Variants in C2CD3 observed in about 807,000 individuals in gnomAD.
The protein encoded by C2CD3 is C2 domain containing 3 centriole elongation regulator.
In C2CD3, 148 loss-of-function variants were observed where a neutral mutation model predicts 234.0. The ratio of observed to expected loss-of-function variants is 0.63; its 90% CI spans 0.55 to 0.72. The LOEUF (loss-of-function observed/expected upper bound fraction) is 0.72. C2CD3 is among the 30% of genes least tolerant of loss of function. The pLI, the probability that C2CD3 is intolerant of heterozygous loss-of-function variation, is 0.00. For synonymous variants in C2CD3, 1,000 were observed against 1,035.4 expected (o/e 0.97, Z 0.66); for missense variants, 2,577 against 2,811.5 (o/e 0.92, Z 1.89).
At chr11:74,052,609 G>T (rs1275869324) in intron 26 of C2CD3, among the ~76,000 whole-genome samples, 1 of 152,206 alleles carries the variant, frequency 6.6e-6, no homozygotes, top group Non-Finnish European at 1.5e-5. Context: ...AGAAAGGAGG[G>T]TGGAGCCCAG....
chr11:74,054,227 G>A (rs567054690), intron 26 of C2CD3, among the ~76,000 whole-genome samples: 2 of 149,262 alleles, frequency 1.3e-5, no homozygotes, highest in South Asian at 2.1e-4. Flanking sequence ...AGCCAAGATC[G>A]TGCCACTGCC....
intron 4 of C2CD3, 111 bp downstream of exon 4, chr11:74,139,494 A>T: frequency 1.2e-6 from 1 of 825,786 alleles, no homozygotes; most frequent in East Asian, 2.4e-5. Flanking sequence ...CTAAATGAGG[A>T]CTGTGCCTCT....
intron 22 of C2CD3, among the ~76,000 whole-genome samples, chr11:74,081,749 G>A (rs1955381316): frequency 6.6e-6 from 1 of 152,174 alleles, no homozygotes. Context: ...AATGTTTCAA[G>A]AAAGGGAGTT....
Position 74,133,720 on chromosome 11 carries a change from CA to C in C2CD3, c.956-164del, listed in dbSNP as rs1957757448. 9 of 661,120 alleles carry C rather than the reference CA, an allele frequency of 1.4e-5. No homozygotes were observed. The South Asian group carries it at 1.5e-4, about 11-fold the overall frequency. The allele number at this position is 661,120 out of a possible 1,614,324, so 41.0% of individuals were successfully genotyped here. A position where few individuals can be genotyped will look rare whatever the true frequency, so the allele number is the denominator to read the frequency against. ...TGAGAATTCCTTGAGGACATTTACG[CA>C]AAAGAGATGTTTACTGAGTTTCTAC... On this transcript the variant is annotated intron_variant, in intron 5 of 32. Coordinates refer to ENST00000334126, the MANE Select transcript of C2CD3 (RefSeq NM_001286577.2).
Position 74,013,474 on chromosome 11 carries a change from TG to T in C2CD3, c.6972del (p.Arg2325AspfsTer33). The T allele has an allele frequency of 1.4e-6, 2 of 1,420,986 alleles. No individual in the cohort carries two copies. Among genetic ancestry groups the T allele is most frequent in the Non-Finnish European group, 1.8e-6 (2 of 1,092,878 alleles). 88.0% of individuals were successfully genotyped at this position (1,420,986 alleles called of 1,614,324 possible). On this transcript the variant is annotated frameshift_variant, in exon 33 of 33. Transcript: ENST00000334126. LOFTEE classifies it high-confidence loss of function. ...RGALSQRPCR[P>X]RPNSLPLNLP... ...AGGTTGAGGGGGAGCGAGTTAGGTC[TG>T]GGGCGACAAGGCCTTTGGGAGAGAG...
chr11:74,150,492 C>CAAAAAAAAAAAAAAA (rs769668218), intron 3 of C2CD3, among the ~76,000 whole-genome samples: 9 of 16,210 alleles, frequency 5.6e-4, no homozygotes, highest in Non-Finnish European at 7.6e-4. Context: ...GACCCTGTCT[C>CAAAAAAAAAAAAAAA]AAAAAAAAAA....
In C2CD3 at chr11:74,057,417, T is replaced by C; in HGVS notation, c.5079A>G (p.Gln1693=). 1 of 1,614,168 alleles carries C rather than the reference T, an allele frequency of 6.2e-7. No homozygotes were observed. Among genetic ancestry groups the C allele is most frequent in the African/African-American group, 1.3e-5 (1 of 75,048 alleles). The part of the protein sequence containing the change: ...ENTDSPIWNF[Q]QQSRLSKELL... ...CGGATAACACAAACCTTGACTGCTG[T>C]TGAAAATTCCAGATGGGGGAATCTG... is the stretch of plus-strand genomic sequence containing the variant. Residue 1693 remains glutamine, a synonymous_variant, in exon 25 of 33, where the codon CAA becomes CAG. Coordinates refer to ENST00000334126, the MANE Select transcript of C2CD3 (RefSeq NM_001286577.2).
intron 2 of C2CD3, among the ~76,000 whole-genome samples, chr11:74,166,882 G>T (rs887805036): frequency 6.6e-6 from 1 of 152,132 alleles, no homozygotes; most frequent in African/African-American, 2.4e-5. Context: ...TGACAGGTAA[G>T]TGCTATTTTT....
rs1300426719 is a variant in C2CD3 at position 74,074,381 on chromosome 11, G to A, written c.4823C>T (p.Ala1608Val). 6.2e-6 allele frequency: 10 copies of A among 1,614,100 alleles called. No homozygotes were observed. Among genetic ancestry groups the A allele is most frequent in the Admixed American group, 1.7e-5 (1 of 60,012 alleles). Residue 1608 changes from alanine (A) to valine (V), a missense_variant, in exon 24 of 33, where the codon GCC becomes GTC. Coordinates refer to ENST00000334126, the MANE Select transcript of C2CD3 (RefSeq NM_001286577.2). The stretch of plus-strand genomic sequence containing the variant: ...GCTGCTGCAGGGGACCTGGGTGGAG[G>A]CAGGAGACTTCTGGTGGCAGGAGAT... Reference protein sequence around the residue: ...EVISCHQKSPASTQVPCSSTT... With the variant: ...EVISCHQKSPVSTQVPCSSTT...
intron 27 of C2CD3, 128 bp from the exon 28 acceptor site, chr11:74,048,466 G>T: frequency 1.2e-6 from 1 of 846,134 alleles, no homozygotes; most frequent in Non-Finnish European, 1.8e-6. Context: ...GTTAAACACT[G>T]TGCTAAACAA....
intron 7 of C2CD3, among the ~76,000 whole-genome samples, chr11:74,124,523 G>A (rs980017219): frequency 1.1e-4 from 17 of 152,050 alleles, no homozygotes; most frequent in African/African-American, 3.9e-4. Flanking sequence ...TGTGACAACC[G>A]AGAAATGTCT....
chr11:74,084,421 T>C (rs1174064092), intron 22 of C2CD3, among the ~76,000 whole-genome samples: 1 of 132,280 alleles, frequency 7.6e-6, no homozygotes, highest in African/African-American at 3.4e-5. Context: ...ACCCTAGAAC[T>C]TAAAGTATAA....
intron 29 of C2CD3, 56 bp from the exon 30 acceptor site, chr11:74,037,754 A>G (rs528733967): frequency 7.5e-7 from 1 of 1,327,072 alleles, no homozygotes; most frequent in Admixed American, 1.9e-5. Context: ...GATTATGAAC[A>G]TCTCTTATGT....
chr11:74,123,556 C>T (rs1472354951), intron 7 of C2CD3, among the ~76,000 whole-genome samples: 1 of 152,020 alleles, frequency 6.6e-6, no homozygotes, highest in African/African-American at 2.4e-5. Context: ...ACACCCACTT[C>T]CAATAAACAA....
intron 9 of C2CD3, among the ~76,000 whole-genome samples, chr11:74,115,221 T>A (rs1003295766): frequency 9.2e-5 from 14 of 151,664 alleles, no homozygotes; most frequent in African/African-American, 3.1e-4. Flanking sequence ...TACATACATA[T>A]ATATATACAT....
rs557111768 is a variant in C2CD3 at position 74,146,932 on chromosome 11, A to T, written c.484-7104T>A. Among the ~76,000 whole-genome samples, 5 of 152,172 alleles carry T rather than the reference A, an allele frequency of 3.3e-5. No individual in the cohort carries two copies. In the East Asian group the frequency reaches 9.7e-4, roughly 29 times the overall value. ...GATGGGCGTGGTGACAGACGCCTGTAATCCCAGCTACTTGGGAGGCTGAGG... is the reference window on the plus strand; with the variant it reads ...GATGGGCGTGGTGACAGACGCCTGTTATCCCAGCTACTTGGGAGGCTGAGG... On this transcript the variant is annotated intron_variant, in intron 3 of 32. Transcript: ENST00000334126.
intron 11 of C2CD3, 44 bp from the exon 12 acceptor site, chr11:74,109,196 T>C: frequency 1.0e-6 from 1 of 1,000,946 alleles, no homozygotes; most frequent in Non-Finnish European, 1.5e-6. Flanking sequence ...ACCACCCAAC[T>C]GAAGTCATCA....
At chr11:74,052,269 A>G (rs1327382760) in intron 26 of C2CD3, among the ~76,000 whole-genome samples, 1 of 152,214 alleles carries the variant, frequency 6.6e-6, no homozygotes, top group Non-Finnish European at 1.5e-5. Flanking sequence ...TACCTGACAC[A>G]TAGTAGACAT....
chr11:74,138,818 C>G lies in C2CD3; in HGVS notation c.857G>C (p.Ser286Thr), dbSNP rs1957952125. 1.2e-6 allele frequency: 2 copies of G among 1,613,828 alleles called. No homozygotes were observed. Among genetic ancestry groups the G allele is most frequent in the African/African-American group, 2.7e-5 (2 of 74,900 alleles). The stretch of plus-strand genomic sequence containing the variant: ...TCTAATTTGAGGCTGGAATTCAGAA[C>G]TGTTCAGAAGGGACATCTGCTTCCG... ...APRKQMSLLN[S>T]SEFQPQIRTV... The change falls in exon 5 of 33, where the codon AGT becomes ACT. Residue 286 changes from serine (S) to threonine (T), a missense_variant. By Grantham distance (58) the Ser-to-Thr change is moderately conservative (BLOSUM62 1). Transcript: ENST00000334126.
Sources: allele counts gnomAD v4.1 joint callset (sites outside exome capture counted in the v4.1 genomes callset), GRCh38; gene constraint gnomAD v4.1.1; transcripts MANE v1.5; gene names NCBI Gene and HGNC (gene_info 2026-07-23, HGNC 2026-07-21).